DACH2: variants seen among roughly 807,000 people sequenced by gnomAD.
DACH2 encodes dachshund homolog 2.
DACH2 carries 17 observed loss-of-function variants against 35.8 expected under a neutral mutation model. The ratio of observed to expected loss-of-function variants is 0.48; its 90% CI spans 0.33 to 0.71. DACH2 has a LOEUF of 0.71. Among genes scored for constraint, DACH2 ranks in the 30% least tolerant of loss-of-function variants. The pLI, the probability that DACH2 is intolerant of heterozygous loss-of-function variation, is 0.02. For synonymous variants in DACH2, 195 were observed against 177.3 expected (o/e 1.10, Z -0.79); for missense variants, 469 against 472.7 (o/e 0.99, Z 0.07).
At chrX:86,829,818 A>T (rs920193159) in intron 11 of DACH2, 3 of 111,915 alleles carry the variant, frequency 2.7e-5, no homozygotes, top group African/African-American at 9.7e-5. Flanking sequence ...TAAATCCCAA[A>T]GCAATAAACT....
intron 4 of DACH2, among the ~76,000 whole-genome samples, chrX:86,684,255 G>T (rs1220382729): frequency 8.9e-6 from 1 of 111,817 alleles, no homozygotes; most frequent in Non-Finnish European, 1.9e-5. Flanking sequence ...ATAATTTTTT[G>T]ATAGCTGTAA....
chrX:86,164,135 G>C (rs758232071), intron 1 of DACH2, among the ~76,000 whole-genome samples: 1 of 111,433 alleles, frequency 9.0e-6, no homozygotes, highest in Non-Finnish European at 1.9e-5. Flanking sequence ...CATTCTGACT[G>C]GTGTGAGATG....
intron 1 of DACH2, 113 bp from the exon 2 acceptor site, chrX:86,376,711 T>C (rs1283937783): frequency 1.0e-6 from 1 of 1,003,661 alleles, no homozygotes; most frequent in African/African-American, 2.0e-5. Flanking sequence ...CTGCAGAATT[T>C]AGGAAGATGT....
chrX:86,727,801 C>T (rs1192645666), intron 6 of DACH2, among the ~76,000 whole-genome samples: 1 of 112,030 alleles, frequency 8.9e-6, no homozygotes, highest in Admixed American at 9.5e-5. Flanking sequence ...GCTTCCTGCA[C>T]AGCCTGCAGA....
Position 86,286,284 on chromosome X carries a change from C to A in DACH2, c.489-90540C>A, listed in dbSNP as rs1033444468. ...CTGGGACTACAGGCGCCCGCCACCGCGCCCGGCTAATTTTTTGTATTTTTT... is the reference window on the plus strand; with the variant it reads ...CTGGGACTACAGGCGCCCGCCACCGAGCCCGGCTAATTTTTTGTATTTTTT... On this transcript the variant is annotated intron_variant, in intron 1 of 11. Coordinates refer to ENST00000373125, the MANE Select transcript of DACH2 (RefSeq NM_053281.3). Among the ~76,000 whole-genome samples the A allele has an allele frequency of 2.8e-5, 3 of 107,739 alleles. No individual in the cohort carries two copies. In the East Asian group the frequency reaches 8.8e-4, roughly 32 times the overall value. The allele number at this position is 107,739 out of a possible 115,157, so 93.6% of individuals were successfully genotyped here. A position where few individuals can be genotyped will look rare whatever the true frequency, so the allele number is the denominator to read the frequency against.
intron 5 of DACH2, among the ~76,000 whole-genome samples, chrX:86,701,108 C>T (rs1280860642): frequency 9.0e-6 from 1 of 111,063 alleles, no homozygotes; most frequent in Non-Finnish European, 1.9e-5. Context: ...TTGGAAAAAT[C>T]TTCAAGAAAA....
intron 3 of DACH2, among the ~76,000 whole-genome samples, chrX:86,557,324 C>A (rs980908326): frequency 8.1e-5 from 9 of 111,248 alleles, no homozygotes; most frequent in African/African-American, 2.9e-4. Flanking sequence ...ATAAATTAAC[C>A]ATCACAACAT....
At chrX:86,265,492 T>G (rs1458072951) in intron 1 of DACH2, among the ~76,000 whole-genome samples, 2 of 111,931 alleles carry the variant, frequency 1.8e-5, no homozygotes, top group Non-Finnish European at 3.8e-5. Context: ...TCATTTCTCC[T>G]CGAATCATAG....
chrX:86,199,000 G>T (rs1298219929), intron 1 of DACH2, among the ~76,000 whole-genome samples: 3 of 110,060 alleles, frequency 2.7e-5, no homozygotes, highest in African/African-American at 6.6e-5. Context: ...GATGAACATT[G>T]ATGCAAAAAT....
At chrX:86,315,788 GAC>G (rs774427717) in intron 1 of DACH2, among the ~76,000 whole-genome samples, 11,618 of 78,151 alleles carry the variant, frequency 0.15, 854 homozygotes, top group Middle Eastern at 0.18. Context: ...GAGGGTCGTG[GAC>G]ACACACACAC....
At chrX:86,828,126 G>A (rs2042579503) in intron 11 of DACH2, 2 of 175,103 alleles carry the variant, frequency 1.1e-5, no homozygotes, top group Admixed American at 7.3e-5. Context: ...TTAAGACAGA[G>A]AAAATGCTAT....
chrX:86,673,137 C>T (rs1174059341), intron 4 of DACH2, among the ~76,000 whole-genome samples: 1 of 110,324 alleles, frequency 9.1e-6, no homozygotes, highest in African/African-American at 3.3e-5. Context: ...AGATCGAGAC[C>T]ATCCTGGCTA....
At chrX:86,367,065 G>A (rs1394429353) in intron 1 of DACH2, among the ~76,000 whole-genome samples, 6 of 110,999 alleles carry the variant, frequency 5.4e-5, no homozygotes, top group African/African-American at 2.0e-4. Context: ...CTTAGGATAT[G>A]AGCTGTGAAG....
intron 1 of DACH2, among the ~76,000 whole-genome samples, chrX:86,313,673 T>G (rs2034842887): frequency 8.9e-6 from 1 of 112,193 alleles, no homozygotes; most frequent in African/African-American, 3.2e-5. Context: ...TTTACACTAT[T>G]ATTTATATCT....
intron 1 of DACH2, among the ~76,000 whole-genome samples, chrX:86,294,043 C>T (rs764547194): frequency 1.2e-4 from 13 of 111,874 alleles, no homozygotes; most frequent in Non-Finnish European, 1.5e-4. Flanking sequence ...CCATTCTCCC[C>T]GTCACTTTCA....
Position 86,612,021 on chromosome X carries a change from C to T in DACH2, c.641-39015C>T, listed in dbSNP as rs1310584264. Among the ~76,000 whole-genome samples, 3 of 107,248 alleles carry T rather than the reference C, an allele frequency of 2.8e-5. 1 individual carries two copies. Among genetic ancestry groups the T allele is most frequent in the South Asian group, 8.5e-4 (2 of 2,348 alleles). The allele number at this position is 107,248 out of a possible 115,157, so 93.1% of individuals were successfully genotyped here. On this transcript the variant is annotated intron_variant, in intron 3 of 11. Coordinates refer to ENST00000373125, the MANE Select transcript of DACH2 (RefSeq NM_053281.3). ...TGATAGGTGGATCCTTATATTCAGCCATCTTGCCCAGCCCCCTCTCTAAAA... is the reference window on the plus strand; with the variant it reads ...TGATAGGTGGATCCTTATATTCAGCTATCTTGCCCAGCCCCCTCTCTAAAA...
At chrX:86,637,645 A>G (rs2040291299) in intron 3 of DACH2, among the ~76,000 whole-genome samples, 1 of 111,627 alleles carries the variant, frequency 9.0e-6, no homozygotes, top group South Asian at 3.7e-4. Context: ...AATACCACAT[A>G]TCCTCACTTA....
intron 6 of DACH2, among the ~76,000 whole-genome samples, chrX:86,735,442 A>C (rs935997380): frequency 1.5e-4 from 17 of 111,813 alleles, no homozygotes; most frequent in Non-Finnish European, 2.1e-4. Flanking sequence ...AATTTGATAA[A>C]ATGGGCAACA....
At chrX:86,493,795 G>T (rs185946515) in intron 2 of DACH2, among the ~76,000 whole-genome samples, 2 of 112,066 alleles carry the variant, frequency 1.8e-5, no homozygotes, top group Admixed American at 9.5e-5. Flanking sequence ...TTATGTGTTT[G>T]TTACAAAACA....
Sources: gnomAD v4.1 joint callset for allele counts (sites outside exome capture counted in the v4.1 genomes callset) on GRCh38, gnomAD v4.1.1 for gene constraint, MANE v1.5 for transcripts, NCBI Gene and HGNC (gene_info 2026-07-23, HGNC 2026-07-21) for gene names.